The following TMEM45A variants were observed in gnomAD, a reference collection of about 807,000 sequenced individuals.
TMEM45A encodes DNA polymerase-transactivated protein 4.
A neutral mutation model predicts 32.0 loss-of-function variants in TMEM45A; 25 were observed. The observed-to-expected ratio is 0.78, with a 90% CI of 0.57 to 1.09. The LOEUF is 1.09. Among genes scored for constraint, TMEM45A ranks in the 50% least tolerant of loss-of-function variants. The pLI is 0.00. For missense variants in TMEM45A, 302 were observed against 325.0 expected (o/e 0.93, Z 0.54); for synonymous variants, 122 against 114.8 (o/e 1.06, Z -0.40).
chr3:100,514,321 A>G (rs373773601), intron 1 of TMEM45A, among the ~76,000 whole-genome samples: 1 of 152,308 alleles, frequency 6.6e-6, no homozygotes, highest in Admixed American at 6.5e-5. Flanking sequence ...AAATAACGCC[A>G]CATATCTACA....
intron 1 of TMEM45A, among the ~76,000 whole-genome samples, chr3:100,501,619 C>T (rs755517414): frequency 1.3e-5 from 2 of 152,172 alleles, no homozygotes; most frequent in South Asian, 4.1e-4. Context: ...TATCCTGTTG[C>T]CTTATTCCCA....
intron 5 of TMEM45A, chr3:100,570,528 T>C (rs1706536533): frequency 6.6e-6 from 1 of 152,310 alleles, no homozygotes; most frequent in Non-Finnish European, 1.5e-5. Context: ...CCCATTCACT[T>C]CCTCCAAAGC....
intron 1 of TMEM45A, among the ~76,000 whole-genome samples, chr3:100,539,617 C>T (rs946339056): frequency 5.9e-5 from 9 of 152,020 alleles, no homozygotes; most frequent in Admixed American, 4.6e-4. Flanking sequence ...CCTCAGTGTC[C>T]AAAGCCCTGA....
At chr3:100,524,829 CT>C (rs1705510462) in intron 1 of TMEM45A, among the ~76,000 whole-genome samples, 1 of 152,114 alleles carries the variant, frequency 6.6e-6, no homozygotes, top group South Asian at 2.1e-4. Flanking sequence ...AAATGACAGT[CT>C]TGCTTTTAAA....
At chr3:100,505,802 C>T (rs1251031209) in intron 1 of TMEM45A, among the ~76,000 whole-genome samples, 1 of 152,106 alleles carries the variant, frequency 6.6e-6, no homozygotes. Flanking sequence ...AAATAGGAGA[C>T]AAAAAGGCGT....
chr3:100,576,895 C>A, intron 5 of TMEM45A, 30 bp from the exon 6 acceptor site: 1 of 1,530,204 alleles, frequency 6.5e-7, no homozygotes. Context: ...TAAAAACCGT[C>A]TAACTTGAGA....
intron 5 of TMEM45A, among the ~76,000 whole-genome samples, chr3:100,576,232 C>T (rs898234039): frequency 7.2e-5 from 11 of 152,088 alleles, no homozygotes; most frequent in Admixed American, 3.9e-4. Flanking sequence ...AGGTGGATCA[C>T]GAGGTCAGGA....
intron 4 of TMEM45A, among the ~76,000 whole-genome samples, chr3:100,567,198 A>T (rs1298267294): frequency 6.6e-6 from 1 of 151,852 alleles, no homozygotes; most frequent in East Asian, 1.9e-4. Context: ...TATATGAGGT[A>T]GGGGTCCAAA....
chr3:100,521,995 T>C (rs774910122), intron 1 of TMEM45A, among the ~76,000 whole-genome samples: 3 of 152,120 alleles, frequency 2.0e-5, no homozygotes, highest in Non-Finnish European at 4.4e-5. Context: ...TAGGCAGCAT[T>C]TTGGTGCTCC....
chr3:100,537,008 G>A (rs889362617), intron 1 of TMEM45A, among the ~76,000 whole-genome samples: 2 of 152,120 alleles, frequency 1.3e-5, no homozygotes, highest in South Asian at 4.1e-4. Context: ...TACAACTTCC[G>A]CCTCCCAGGT....
chr3:100,559,373 A>G (rs1706283377), intron 4 of TMEM45A, among the ~76,000 whole-genome samples: 1 of 152,230 alleles, frequency 6.6e-6, no homozygotes, highest in Non-Finnish European at 1.5e-5. Context: ...AGAGATTTGT[A>G]TTGCACATGA....
chr3:100,574,288 A>G (rs906813972), intron 5 of TMEM45A: 1 of 152,240 alleles, frequency 6.6e-6, no homozygotes, highest in Non-Finnish European at 1.5e-5. Flanking sequence ...GAAGAATCAA[A>G]TAGACGCAAT....
intron 5 of TMEM45A, 26 bp from the exon 6 acceptor site, chr3:100,576,899 C>A (rs774367570): frequency 6.5e-7 from 1 of 1,546,604 alleles, no homozygotes; most frequent in African/African-American, 1.4e-5. Flanking sequence ...AACCGTCTAA[C>A]TTGAGATGCT....
intron 1 of TMEM45A, among the ~76,000 whole-genome samples, chr3:100,498,229 T>C (rs1707959523): frequency 6.6e-6 from 1 of 152,240 alleles, no homozygotes; most frequent in Non-Finnish European, 1.5e-5. Flanking sequence ...TGTGGAACTG[T>C]GAGTCAATTA....
intron 4 of TMEM45A, among the ~76,000 whole-genome samples, chr3:100,559,458 T>G (rs188933928): frequency 6.6e-6 from 1 of 152,216 alleles, no homozygotes; most frequent in Admixed American, 6.5e-5. Flanking sequence ...GATGCAATAT[T>G]TAAGCATGTA....
At chr3:100,570,077 T>G (rs1706527862) in intron 5 of TMEM45A, among the ~76,000 whole-genome samples, 2 of 152,264 alleles carry the variant, frequency 1.3e-5, no homozygotes, top group African/African-American at 4.8e-5. Flanking sequence ...TGAAATGTTC[T>G]GTATCTACAA....
rs1015728507 is a variant in TMEM45A at position 100,561,918 on chromosome 3, C to T, written c.588+3329C>T. Among the ~76,000 whole-genome samples, 15 of 152,200 alleles carry T rather than the reference C, an allele frequency of 9.9e-5. No individual in the cohort carries two copies. In the East Asian group the frequency reaches 1.2e-3, roughly 12 times the overall value. ...GCCTTTGTTTTGCCTTTATGAAGGA[C>T]GAAAGTTCATTTTTAAATGACAAAA... On this transcript the variant is annotated intron_variant, in intron 4 of 5. Coordinates refer to ENST00000323523, the MANE Select transcript of TMEM45A (RefSeq NM_018004.3).
Position 100,558,607 on chromosome 3 carries a change from G to C in TMEM45A, c.588+18G>C. On this transcript the variant is annotated intron_variant, in intron 4 of 5. Coordinates refer to ENST00000323523, the MANE Select transcript of TMEM45A (RefSeq NM_018004.3). ...TCTTTCAGGTGAGTTGGGGCCTCTA[G>C]TTAATGTACCTGGACTCTTTGCCTG... The C allele has an allele frequency of 6.2e-7, 1 of 1,612,006 alleles. No homozygotes were observed. The highest frequency in any genetic ancestry group is 8.5e-7 in the Non-Finnish European group (1 of 1,178,648).
chr3:100,495,129 G>A lies in TMEM45A; in HGVS notation c.-4+2201G>A, dbSNP rs191131516. On this transcript the variant is annotated intron_variant, in intron 1 of 5. Coordinates refer to ENST00000323523, the MANE Select transcript of TMEM45A (RefSeq NM_018004.3). The stretch of plus-strand genomic sequence containing the variant: ...TAGCAACTGGTATTAACTGAGTGCT[G>A]ACCACTTGCTAGCCAGCATTGTATG... 1.3e-5 allele frequency among the ~76,000 whole-genome samples: 2 copies of A among 152,352 alleles called. 1 individual carries two copies. Among genetic ancestry groups the A allele is most frequent in the East Asian group, 3.9e-4 (2 of 5,190 alleles).
Sources: allele counts gnomAD v4.1 joint callset (sites outside exome capture counted in the v4.1 genomes callset), GRCh38; gene constraint gnomAD v4.1.1; transcripts MANE v1.5; gene names NCBI Gene and HGNC (gene_info 2026-07-23, HGNC 2026-07-21).